Variants in CNTN4 observed in about 807,000 individuals in gnomAD.
The protein encoded by CNTN4 is contactin 4, also known as contactin-4.
CNTN4 carries 77 observed loss-of-function variants against 122.5 expected under a neutral mutation model. The ratio of observed to expected loss-of-function variants is 0.63; its 90% CI spans 0.52 to 0.76. The LOEUF (loss-of-function observed/expected upper bound fraction) is 0.76, where lower values mean the gene tolerates loss of function less well. Among genes scored for constraint, CNTN4 ranks in the 30% least tolerant of loss-of-function variants. The pLI, the probability that CNTN4 is intolerant of heterozygous loss-of-function variation, is 0.00. For missense variants in CNTN4, 1,256 were observed against 1,259.1 expected, an observed-to-expected ratio of 1.00 and a Z score of 0.04; for synonymous variants, 512 against 447.0, an observed-to-expected ratio of 1.15 and a Z score of -1.83.
intron 6 of CNTN4, among the ~76,000 whole-genome samples, chr3:2,767,884 G>GT (rs1487387309): frequency 3.9e-5 from 6 of 152,068 alleles, no homozygotes; most frequent in Non-Finnish European, 7.4e-5. Context: ...GTATTTTTGT[G>GT]TTTTTTTCCT....
intron 4 of CNTN4, among the ~76,000 whole-genome samples, chr3:2,590,520 C>G (rs1323581364): frequency 6.6e-6 from 1 of 151,724 alleles, no homozygotes; most frequent in African/African-American, 2.4e-5. Flanking sequence ...CACTTTTCTG[C>G]TTGGGTGGCT....
chr3:2,768,099 C>G lies in CNTN4; in HGVS notation c.358+22402C>G, dbSNP rs191136426. On this transcript the variant is annotated intron_variant, in intron 6 of 24. Transcript: ENST00000418658. ...GAACAAATGTTTTACATCTGTGGAG[C>G]CTTCATATTTATTGCTTTGAGTGTC... Among the ~76,000 whole-genome samples, 772 of 152,186 alleles carry G rather than the reference C, an allele frequency of 5.1e-3. 6 individuals are homozygous for G. Among genetic ancestry groups the G allele is most frequent in the Non-Finnish European group, 4.7e-3 (317 of 68,006 alleles).
At chr3:2,863,444 CTTTTTT>C (rs5846228) in intron 7 of CNTN4, among the ~76,000 whole-genome samples, 5 of 92,368 alleles carry the variant, frequency 5.4e-5, no homozygotes, top group African/African-American at 1.3e-4. Context: ...ATGGTTTCTT[CTTTTTT>C]TTTTTTTTTT....
At chr3:2,395,166 T>A (rs184127824) in intron 3 of CNTN4, among the ~76,000 whole-genome samples, 1 of 152,282 alleles carries the variant, frequency 6.6e-6, no homozygotes, top group African/African-American at 2.4e-5. Flanking sequence ...CATAAACTGT[T>A]GTTTATTCAT....
Position 3,053,812 on chromosome 3 carries a change from G to A in CNTN4, c.2817G>A (p.Leu939=), listed in dbSNP as rs748156611. ...TGTTCTTTCTGTATTGGCAGGTCTT[G>A]TACAGATGGAACAGACAAAGCAGCA... is the stretch of plus-strand genomic sequence containing the variant. ...NESEVKGYKV[L]YRWNRQSSTS... Residue 939 remains leucine (L), a synonymous_variant, in exon 24 of 25, where the codon TTG becomes TTA. Transcript: ENST00000418658. 23 of 1,613,872 alleles carry A rather than the reference G, an allele frequency of 1.4e-5. No individual in the cohort carries two copies. The highest frequency in any genetic ancestry group is 2.2e-5 in the East Asian group (1 of 44,874).
intron 13 of CNTN4, among the ~76,000 whole-genome samples, chr3:2,940,424 A>T (rs1346371678): frequency 1.3e-5 from 2 of 152,234 alleles, no homozygotes; most frequent in Non-Finnish European, 2.9e-5. Context: ...TACAGGCTGC[A>T]TGGTAAGCAG....
intron 4 of CNTN4, among the ~76,000 whole-genome samples, chr3:2,688,001 C>T (rs1016151276): frequency 3.9e-5 from 6 of 152,120 alleles, no homozygotes; most frequent in Admixed American, 2.0e-4. Context: ...AACATAGGTA[C>T]TGACTGGTAT....
chr3:2,772,433 AG>A (rs1056139173), intron 6 of CNTN4, among the ~76,000 whole-genome samples: 15 of 149,908 alleles, frequency 1.0e-4, no homozygotes, highest in African/African-American at 3.7e-4. Flanking sequence ...ACAGAAAGAA[AG>A]AAAAAAAAGA....
At chr3:2,396,605 C>G (rs1207883637) in intron 3 of CNTN4, among the ~76,000 whole-genome samples, 6 of 151,724 alleles carry the variant, frequency 4.0e-5, no homozygotes, top group Non-Finnish European at 8.8e-5. Context: ...CACAAGAAAC[C>G]CAGCTTGTGC....
At chr3:2,784,748 G>A (rs754254382) in intron 6 of CNTN4, among the ~76,000 whole-genome samples, 2 of 152,154 alleles carry the variant, frequency 1.3e-5, no homozygotes, top group Admixed American at 6.6e-5. Context: ...CTTTGAGCAA[G>A]TATTTAATCT....
intron 3 of CNTN4, among the ~76,000 whole-genome samples, chr3:2,479,544 T>C (rs1225559172): frequency 2.0e-5 from 3 of 152,128 alleles, no homozygotes; most frequent in African/African-American, 7.2e-5. Flanking sequence ...TATAACCTTA[T>C]AAGGGGGATA....
intron 4 of CNTN4, among the ~76,000 whole-genome samples, chr3:2,626,329 T>C (rs573028036): frequency 1.3e-5 from 2 of 151,786 alleles, no homozygotes; most frequent in Non-Finnish European, 2.9e-5. Context: ...CCATCTCTAC[T>C]AAAAATACGA....
At chr3:2,495,021 C>A (rs537039305) in intron 3 of CNTN4, among the ~76,000 whole-genome samples, 2 of 152,176 alleles carry the variant, frequency 1.3e-5, no homozygotes, top group South Asian at 4.1e-4. Flanking sequence ...ATTAAGTCCT[C>A]GAGAGATCTG....
At chr3:2,644,580 T>C (rs963295939) in intron 4 of CNTN4, among the ~76,000 whole-genome samples, 5 of 151,416 alleles carry the variant, frequency 3.3e-5, no homozygotes, top group African/African-American at 1.2e-4. Context: ...TTCTGCAAAA[T>C]ACCTCTATCT....
At chr3:2,826,962 C>G (rs1026324785) in intron 7 of CNTN4, among the ~76,000 whole-genome samples, 1 of 152,180 alleles carries the variant, frequency 6.6e-6, no homozygotes, top group Non-Finnish European at 1.5e-5. Context: ...TCATTTCTTA[C>G]CCAAAGGCGC....
At chr3:2,459,757 TC>T (rs1410493937) in intron 3 of CNTN4, among the ~76,000 whole-genome samples, 2 of 152,144 alleles carry the variant, frequency 1.3e-5, no homozygotes, top group Non-Finnish European at 2.9e-5. Flanking sequence ...CTGGTTCCTG[TC>T]CTTTCTAGCT....
At chr3:2,983,887 G>C (rs1338751771) in intron 13 of CNTN4, among the ~76,000 whole-genome samples, 2 of 152,170 alleles carry the variant, frequency 1.3e-5, no homozygotes, top group Non-Finnish European at 2.9e-5. Flanking sequence ...GCAATATGTT[G>C]TGATTTAATG....
At chr3:3,028,182 TA>T (rs1293931935) in intron 15 of CNTN4, among the ~76,000 whole-genome samples, 1 of 152,196 alleles carries the variant, frequency 6.6e-6, no homozygotes, top group Non-Finnish European at 1.5e-5. Flanking sequence ...TGAGGTTTTA[TA>T]AAAGTTATTA....
chr3:2,472,976 G>A (rs981433311), intron 3 of CNTN4, among the ~76,000 whole-genome samples: 1 of 152,138 alleles, frequency 6.6e-6, no homozygotes, highest in African/African-American at 2.4e-5. Flanking sequence ...GCTCATGCCT[G>A]TAATCCCAGT....
Sources: gnomAD v4.1 joint callset for allele counts (sites outside exome capture counted in the v4.1 genomes callset) on GRCh38, gnomAD v4.1.1 for gene constraint, MANE v1.5 for transcripts, NCBI Gene and HGNC (gene_info 2026-07-23, HGNC 2026-07-21) for gene names.